Variants in RASGEF1C observed in about 807,000 individuals in gnomAD.
RASGEF1C encodes ras-GEF domain-containing family member 1C.
Under a neutral mutation model 58.1 loss-of-function variants are expected in RASGEF1C, and 27 were observed. The ratio of observed to expected loss-of-function variants is 0.46; its 90% confidence interval spans 0.34 to 0.64. The LOEUF is 0.64. RASGEF1C is among the 30% of genes least tolerant of loss of function. RASGEF1C has a pLI of 0.01. For synonymous variants in RASGEF1C, 243 were observed against 246.3 expected (o/e 0.99, Z 0.13); for missense variants, 502 against 605.1 (o/e 0.83, Z 1.79).
At chr5:180,113,751 G>T (rs1766014567) in intron 11 of RASGEF1C, among the ~76,000 whole-genome samples, 2 of 151,586 alleles carry the variant, frequency 1.3e-5, no homozygotes, top group African/African-American at 4.9e-5. Context: ...ACCGGGGATG[G>T]ACGGAGGGAC....
chr5:180,136,219 G>T (rs1034842302), intron 4 of RASGEF1C, among the ~76,000 whole-genome samples, 159 bp downstream of exon 4: 1 of 152,238 alleles, frequency 6.6e-6, no homozygotes. Context: ...TCCCAGCTCG[G>T]CAGTGCCTGA....
At chr5:180,170,554 C>T (rs1048695516) in intron 1 of RASGEF1C, among the ~76,000 whole-genome samples, 2 of 152,188 alleles carry the variant, frequency 1.3e-5, no homozygotes, top group Non-Finnish European at 1.5e-5. Flanking sequence ...CTCGCCTGTC[C>T]CCGCGGAGCC....
At chr5:180,127,813 T>G in intron 5 of RASGEF1C, 130 bp from the exon 6 acceptor site, 1 of 803,768 alleles carries the variant, frequency 1.2e-6, no homozygotes, top group Non-Finnish European at 1.9e-6. Flanking sequence ...CCCTCCCCAC[T>G]GGGGCTTGGA....
chr5:180,182,204 C>CAAAAAAAAAAAAAA (rs1156831010), intron 1 of RASGEF1C, among the ~76,000 whole-genome samples: 38 of 22,762 alleles, frequency 1.7e-3, no homozygotes, highest in East Asian at 4.3e-3. Flanking sequence ...GACTCCGTCT[C>CAAAAAAAAAAAAAA]AAAAAAAAAA....
chr5:180,114,580 TCC>T lies in RASGEF1C; in HGVS notation c.1084-41_1084-40del, dbSNP rs538417154. The T allele has an allele frequency of 2.1e-3, 3,321 of 1,578,172 alleles. 10 individuals carry two copies. The highest frequency in any genetic ancestry group is 3.2e-3 in the South Asian group (285 of 88,644). ...GGGGCAGGTCGGCCCCAGCCGGCCCTCCACACAGCGGGCTCCAGGACGGGGGG... is the reference window on the plus strand; with the variant it reads ...GGGGCAGGTCGGCCCCAGCCGGCCCTACACAGCGGGCTCCAGGACGGGGGG... On this transcript the variant is annotated intron_variant, in intron 10 of 13. Transcript: ENST00000361132.
At chr5:180,122,833 T>C (rs1014013221) in intron 6 of RASGEF1C, among the ~76,000 whole-genome samples, 2 of 148,062 alleles carry the variant, frequency 1.4e-5, no homozygotes, top group East Asian at 4.0e-4. Context: ...GAGGGGAAGA[T>C]GGAATGGGGG....
chr5:180,155,401 G>C lies in RASGEF1C; in HGVS notation c.-6-17343C>G, dbSNP rs1178200459. Among the ~76,000 whole-genome samples, 1 of 152,116 alleles carries C rather than the reference G, an allele frequency of 6.6e-6. No homozygotes were observed. Among genetic ancestry groups the C allele is most frequent in the Non-Finnish European group, 1.5e-5 (1 of 68,026 alleles). ...GGGGGAACTGCAGCCTCCCTAGGCCGAGCCCAGATCTGCTTGCGGAGGCTG... is the reference window on the plus strand; with the variant it reads ...GGGGGAACTGCAGCCTCCCTAGGCCCAGCCCAGATCTGCTTGCGGAGGCTG... On this transcript the variant is annotated intron_variant, in intron 1 of 13. Transcript: ENST00000361132. The surrounding 1 kb of genome is among the most constrained non-coding windows in gnomAD (Gnocchi z 5.2).
At chr5:180,196,179 G>A (rs575488534) in intron 1 of RASGEF1C, among the ~76,000 whole-genome samples, 1 of 150,214 alleles carries the variant, frequency 6.7e-6, no homozygotes, top group East Asian at 1.9e-4. Flanking sequence ...GCCTATTAAT[G>A]ATAAATTCAA....
At chr5:180,128,633 C>T (rs765144955) in intron 4 of RASGEF1C, 23 bp from the exon 5 acceptor site, 1 of 1,608,248 alleles carries the variant, frequency 6.2e-7, no homozygotes, top group Non-Finnish European at 8.5e-7. Context: ...AAGAAGGGCG[C>T]TCAGGACTGA....
At chr5:180,127,537 C>G in intron 6 of RASGEF1C, 72 bp downstream of exon 6, 1 of 1,447,854 alleles carries the variant, frequency 6.9e-7, no homozygotes, top group Non-Finnish European at 9.2e-7. Context: ...AGAGAAGGCT[C>G]GCGGGCTCCC....
chr5:180,164,378 A>C lies in RASGEF1C; in HGVS notation c.-6-26320T>G, dbSNP rs112967265. Among the ~76,000 whole-genome samples the C allele has an allele frequency of 8.4e-3, 1,285 of 152,340 alleles. 27 individuals carry two copies. Among genetic ancestry groups the C allele is most frequent in the African/African-American group, 0.029 (1,214 of 41,572 alleles). On this transcript the variant is annotated intron_variant, in intron 1 of 13. Coordinates refer to ENST00000361132, the MANE Select transcript of RASGEF1C (RefSeq NM_175062.4). ...CTGCAAGTTTCTTCTCAAAAATAAA[A>C]GATTTTCCTTGACAAGAGATAATTG...
At chr5:180,106,012 C>T (rs1243638845) in intron 12 of RASGEF1C, among the ~76,000 whole-genome samples, 1 of 152,132 alleles carries the variant, frequency 6.6e-6, no homozygotes, top group African/African-American at 2.4e-5. Context: ...GAATCATGTC[C>T]CAGGAGGAAC....
At chr5:180,111,683 GC>G in intron 11 of RASGEF1C, 103 bp from the exon 12 acceptor site, 1 of 1,310,374 alleles carries the variant, frequency 7.6e-7, no homozygotes, top group Non-Finnish European at 1.1e-6. Flanking sequence ...ACACCCAGTG[GC>G]TTTAGGGCTC....
chr5:180,132,112 C>T (rs1561738199), intron 4 of RASGEF1C, among the ~76,000 whole-genome samples: 3 of 152,216 alleles, frequency 2.0e-5, no homozygotes, highest in African/African-American at 4.8e-5. Context: ...GGCATCCCCT[C>T]GTCACTATCG....
intron 1 of RASGEF1C, 27 bp downstream of exon 1, chr5:180,209,001 G>C (rs2127565620): frequency 1.4e-5 from 2 of 146,698 alleles, no homozygotes; most frequent in East Asian, 4.0e-4. Context: ...CGCACCGCCA[G>C]GTGTCCCTCG....
intron 6 of RASGEF1C, among the ~76,000 whole-genome samples, chr5:180,121,637 TCACACACACACACACACA>T (rs762495633): frequency 2.6e-5 from 3 of 113,260 alleles, no homozygotes; most frequent in South Asian, 3.2e-4. Flanking sequence ...AAATGTAACT[TCACACACACACACACACA>T]CACACACACA....
chr5:180,117,150 G>A (rs1258939635), intron 10 of RASGEF1C, among the ~76,000 whole-genome samples: 7 of 152,194 alleles, frequency 4.6e-5, no homozygotes, highest in East Asian at 1.9e-4. Context: ...TTGAGGTCTC[G>A]CATCCCTGGG....
intron 1 of RASGEF1C, among the ~76,000 whole-genome samples, chr5:180,201,279 C>G (rs973399127): frequency 6.6e-6 from 1 of 152,144 alleles, no homozygotes; most frequent in Non-Finnish European, 1.5e-5. Context: ...GTAGAGGCAG[C>G]CTTCGGAGGC....
At chr5:180,113,475 CCGGGGA>C (rs1561731268) in intron 11 of RASGEF1C, among the ~76,000 whole-genome samples, 2 of 41,108 alleles carry the variant, frequency 4.9e-5, no homozygotes, top group African/African-American at 1.7e-4. Context: ...GACGGAGTGA[CCGGGGA>C]TGGACGGAGG....
Sources: allele counts gnomAD v4.1 joint callset (sites outside exome capture counted in the v4.1 genomes callset), GRCh38; gene constraint gnomAD v4.1.1; non-coding constraint Gnocchi (gnomAD v3.1); transcripts MANE v1.5; gene names NCBI Gene and HGNC (gene_info 2026-07-23, HGNC 2026-07-21).